The following RBM19 variants were observed in gnomAD, a reference collection of about 807,000 sequenced individuals.
The protein encoded by RBM19 is probable RNA-binding protein 19.
Under a neutral mutation model 116.8 loss-of-function variants are expected in RBM19, and 94 were observed. The observed-to-expected ratio is 0.80, with a 90% CI of 0.68 to 0.95. The LOEUF is 0.95. Among genes scored for constraint, RBM19 ranks in the 40% least tolerant of loss-of-function variants. The probability of loss-of-function intolerance (pLI) is 0.00; values close to 1 mark genes in which losing one functional copy is unlikely to be tolerated. For synonymous variants in RBM19, 475 were observed against 494.1 expected (o/e 0.96, Z 0.51); for missense variants, 1,161 against 1,220.7 (o/e 0.95, Z 0.73).
At chr12:113,840,347 C>T (rs1876354779) in intron 23 of RBM19, among the ~76,000 whole-genome samples, 2 of 152,214 alleles carry the variant, frequency 1.3e-5, no homozygotes, top group African/African-American at 4.8e-5. Flanking sequence ...TGTGCTTGGC[C>T]CTGATGCCTG....
At chr12:113,936,739 G>A (rs1445974181) in intron 16 of RBM19, 2 of 327,348 alleles carry the variant, frequency 6.1e-6, no homozygotes, top group African/African-American at 4.3e-5. Context: ...GTTTATACTT[G>A]CTCTGCTTTG....
chr12:113,860,819 C>G (rs11066792), intron 21 of RBM19, among the ~76,000 whole-genome samples: 36,299 of 152,092 alleles, frequency 0.24, 4,529 homozygotes, highest in Middle Eastern at 0.33. Flanking sequence ...GAGTCCAGGC[C>G]CCATCTATCT....
intron 21 of RBM19, among the ~76,000 whole-genome samples, chr12:113,890,088 TG>T (rs1320892901): frequency 6.6e-6 from 1 of 152,168 alleles, no homozygotes; most frequent in African/African-American, 2.4e-5. Flanking sequence ...CAAGCCTAAA[TG>T]GTTGTTTGGA....
intron 21 of RBM19, among the ~76,000 whole-genome samples, chr12:113,905,269 G>A (rs1241685946): frequency 1.3e-5 from 2 of 152,168 alleles, no homozygotes; most frequent in Admixed American, 6.6e-5. Context: ...AAATAGACCC[G>A]GGGAGCAGAT....
rs59581128 is a variant in RBM19 at position 113,837,079 on chromosome 12, CTACA to C, written c.2785+7585_2785+7588del. Among the ~76,000 whole-genome samples, 193 of 136,304 alleles carry C rather than the reference CTACA, an allele frequency of 1.4e-3. 2 individuals carry two copies. Among genetic ancestry groups the C allele is most frequent in the African/African-American group, 2.9e-3 (99 of 34,726 alleles). 89.4% of individuals were successfully genotyped at this position (136,304 alleles called of 152,430 possible). On this transcript the variant is annotated intron_variant, in intron 23 of 23. Transcript: ENST00000261741. The stretch of plus-strand genomic sequence containing the variant: ...TCAGGCATACCTATCCCCCTACTTA[CTACA>C]TACATACATACATACATACATACAT...
chr12:113,844,557 C>G (rs1876778225), intron 23 of RBM19, 111 bp downstream of exon 23: 2 of 1,397,458 alleles, frequency 1.4e-6, no homozygotes, highest in South Asian at 3.1e-5. Flanking sequence ...GCTTGGCAGC[C>G]CTTGTGCCCA....
intron 21 of RBM19, among the ~76,000 whole-genome samples, chr12:113,881,587 G>C (rs1555235048): frequency 6.6e-6 from 1 of 152,182 alleles, no homozygotes; most frequent in Non-Finnish European, 1.5e-5. Flanking sequence ...TCTTTAAAGT[G>C]ACAGCTTATA....
intron 14 of RBM19, 54 bp from the exon 15 acceptor site, chr12:113,940,214 G>C (rs1404279499): frequency 1.1e-5 from 17 of 1,549,438 alleles, no homozygotes; most frequent in East Asian, 6.8e-5. Context: ...AGGGTCCCCA[G>C]CTGACACCAG....
chr12:113,835,063 C>G (rs1391828663), intron 23 of RBM19, among the ~76,000 whole-genome samples: 1 of 152,160 alleles, frequency 6.6e-6, no homozygotes, highest in East Asian at 1.9e-4. Flanking sequence ...TCAGGAATAT[C>G]TGGCTTCGAC....
At chr12:113,841,509 C>T (rs183600176) in intron 23 of RBM19, among the ~76,000 whole-genome samples, 15 of 151,602 alleles carry the variant, frequency 9.9e-5, no homozygotes, top group East Asian at 3.9e-4. Flanking sequence ...CTGCAACCTC[C>T]GCGTCCCGGG....
rs767275031 is a variant in RBM19, at chr12:113,822,871, T to C, written c.*353A>G. On this transcript the variant is annotated 3_prime_UTR_variant, in exon 24 of 24. Transcript: ENST00000261741. ...AGAGAGCTGGCCCTCGTCCCCTTACTCTCCTGGGGTGGGGACAGGGGGAGC... is the reference window on the plus strand; with the variant it reads ...AGAGAGCTGGCCCTCGTCCCCTTACCCTCCTGGGGTGGGGACAGGGGGAGC... The C allele has an allele frequency of 5.4e-5, 10 of 184,796 alleles. No individual in the cohort carries two copies. Among genetic ancestry groups the C allele is most frequent in the Non-Finnish European group, 1.1e-4 (10 of 89,718 alleles). 11.4% of individuals were successfully genotyped at this position (184,796 alleles called of 1,614,324 possible).
chr12:113,860,480 A>G (rs964078680), intron 21 of RBM19, among the ~76,000 whole-genome samples: 1 of 152,216 alleles, frequency 6.6e-6, no homozygotes, highest in Non-Finnish European at 1.5e-5. Flanking sequence ...AAGTCTTCAG[A>G]AGCCCACTGG....
rs745398765 is a variant in RBM19 at position 113,946,461 on chromosome 12, G to T, written c.1422C>A (p.His474Gln). Reference protein sequence around the residue: ...DGQVFQGRMLHVLPSTIKKEA... With the variant: ...DGQVFQGRMLQVLPSTIKKEA... ...CCTTCTTGATGGTAGATGGTAACACGTGGAGCATCCTGCCCTGGATGGGAA... is the reference window on the plus strand; with the variant it reads ...CCTTCTTGATGGTAGATGGTAACACTTGGAGCATCCTGCCCTGGATGGGAA... Residue 474 changes from histidine (H) to glutamine (Q), a missense_variant, in exon 12 of 24, where the codon CAC becomes CAA. Coordinates refer to ENST00000261741, the MANE Select transcript of RBM19 (RefSeq NM_016196.4). The T allele has an allele frequency of 6.2e-7, 1 of 1,614,180 alleles. No homozygotes were observed. Among genetic ancestry groups the T allele is most frequent in the Non-Finnish European group, 8.5e-7 (1 of 1,180,034 alleles).
At position 113,914,970 on chromosome 12, in the gene RBM19, T is replaced by C. The variant is rs757703230; in HGVS notation, c.2557A>G (p.Ser853Gly). 1 of 1,612,744 alleles carries C rather than the reference T, an allele frequency of 6.2e-7. No individual in the cohort carries two copies. The highest frequency in any genetic ancestry group is 8.5e-7 in the Non-Finnish European group (1 of 1,178,688). The change falls in exon 21 of 24, where the codon AGC becomes GGC. Residue 853 changes from serine to glycine, a missense_variant and splice_region_variant. By Grantham distance (56) the Ser-to-Gly change is moderately conservative. Transcript: ENST00000261741. ...CTGGACTAAACCTGAAGTTCTCACC[T>C]GAAGAGCTCTCGGATCTCCCGGCTG... Reference protein sequence around the residue: ...AHSREIRELFSTFGELKTVRL... With the variant: ...AHSREIRELFGTFGELKTVRL...
At chr12:113,947,248 C>A (rs1157039759) in intron 11 of RBM19, 86 bp downstream of exon 11, 2 of 1,440,668 alleles carry the variant, frequency 1.4e-6, no homozygotes, top group East Asian at 2.3e-5. Flanking sequence ...ACGCCCGTGT[C>A]CACACACATA....
chr12:113,819,619 C>G (rs1051342948), downstream of RBM19, among the ~76,000 whole-genome samples: 1 of 152,202 alleles, frequency 6.6e-6, no homozygotes, highest in Non-Finnish European at 1.5e-5. Context: ...ATCATTGCTT[C>G]AAAAACAACC....
rs151299035 is a variant in RBM19 at position 113,874,246 on chromosome 12, G to A, written c.2559-15350C>T. Among the ~76,000 whole-genome samples, 251 of 152,344 alleles carry A rather than the reference G, an allele frequency of 1.6e-3. 7 individuals are homozygous for A. In the East Asian group the frequency reaches 0.035, roughly 21 times the overall value. ...CAACAGCACCTGGCACACAGTAGGT[G>A]CCCACTAAAAAGTGTCTGTGGAGTG... On this transcript the variant is annotated intron_variant, in intron 21 of 23. Coordinates refer to ENST00000261741, the MANE Select transcript of RBM19 (RefSeq NM_016196.4).
chr12:113,881,810 T>A (rs769411503), intron 21 of RBM19, among the ~76,000 whole-genome samples: 1 of 152,250 alleles, frequency 6.6e-6, no homozygotes, highest in Non-Finnish European at 1.5e-5. Context: ...AAACCACATG[T>A]TGCTTCCTTG....
In RBM19 at chr12:113,858,860, C is replaced by T; in HGVS notation, c.2595G>A (p.Lys865=). The change falls in exon 22 of 24, where the codon AAG becomes AAA. Residue 865 remains lysine (K), a synonymous_variant. Coordinates refer to ENST00000261741, the MANE Select transcript of RBM19 (RefSeq NM_016196.4). ...TGTGTGTGCCTGTCCCAGTCATCTT[C>T]TTTGGCAGGCGGACCGTCTTCAACT... ...FGELKTVRLP[K]KMTGTGTHRG... 1.2e-6 allele frequency: 2 copies of T among 1,614,174 alleles called. No homozygotes were observed. Among genetic ancestry groups the T allele is most frequent in the Non-Finnish European group, 1.7e-6 (2 of 1,180,040 alleles).
Sources: allele counts gnomAD v4.1 joint callset (sites outside exome capture counted in the v4.1 genomes callset), GRCh38; gene constraint gnomAD v4.1.1; transcripts MANE v1.5; gene names NCBI Gene and HGNC (gene_info 2026-07-23, HGNC 2026-07-21).